Variants in GSTK1 observed in about 807,000 individuals in gnomAD.
GSTK1 encodes glutathione S-transferase kappa 1.
GSTK1 carries 25 observed loss-of-function variants against 30.9 expected under a neutral mutation model. The observed-to-expected ratio is 0.81, with a 90% CI of 0.59 to 1.13. GSTK1 has a LOEUF of 1.13. Ranked by LOEUF, GSTK1 falls within the 50% of genes most tolerant of loss-of-function variation. The probability of loss-of-function intolerance (pLI) is 0.00; values close to 1 mark genes in which losing one functional copy is unlikely to be tolerated. For synonymous variants in GSTK1, 108 were observed against 112.5 expected, an observed-to-expected ratio of 0.96 and a Z score of 0.25; for missense variants, 292 against 292.4, an observed-to-expected ratio of 1.00 and a Z score of 0.01.
intron 5 of GSTK1, among the ~76,000 whole-genome samples, chr7:143,267,334 T>C (rs930254504): frequency 2.6e-5 from 4 of 152,178 alleles, no homozygotes; most frequent in African/African-American, 7.2e-5. Context: ...AGGCTCTTCA[T>C]TTGTGAAATA....
At chr7:143,264,833 G>T (rs1464226416) in intron 3 of GSTK1, 157 bp downstream of exon 3, 1 of 1,276,370 alleles carries the variant, frequency 7.8e-7, no homozygotes, top group Non-Finnish European at 1.1e-6. Context: ...AGGTTGCCGG[G>T]CATGAAAGGG....
At position 143,265,068 on chromosome 7, in the gene GSTK1, G is replaced by A. The variant is rs754501668; in HGVS notation, c.360G>A (p.Glu120=). 1.2e-6 allele frequency: 2 copies of A among 1,614,178 alleles called. No individual in the cohort carries two copies. The highest frequency in any genetic ancestry group is 2.2e-5 in the South Asian group (2 of 91,086). Residue 120 remains glutamate, a synonymous_variant, in exon 4 of 8, where the codon GAG becomes GAA. Coordinates refer to ENST00000358406, the MANE Select transcript of GSTK1 (RefSeq NM_015917.3). ...HPEMLEKASR[E]LWMRVWSRNE... ...AGATGCTGGAGAAAGCGTCCCGGGA[G>A]CTGTGGATGCGCGTCTGGTCAAGGG...
At chr7:143,265,168 G>A (rs879097453) in intron 4 of GSTK1, 76 bp downstream of exon 4, 4 of 1,610,798 alleles carry the variant, frequency 2.5e-6, no homozygotes, top group African/African-American at 2.7e-5. Context: ...CGTTTTCAGG[G>A]TCATGATCCT....
At position 143,263,573 on chromosome 7, in the gene GSTK1, G is replaced by T. The variant is rs376374640; in HGVS notation, c.60G>T (p.Trp20Cys). The T allele has an allele frequency of 1.1e-5, 17 of 1,609,480 alleles. No individual in the cohort carries two copies. The highest frequency in any genetic ancestry group is 1.4e-5 in the Non-Finnish European group (16 of 1,179,998). The change falls in exon 1 of 8, where the codon TGG (tryptophan) becomes TGT (cysteine). Residue 20 changes from tryptophan to cysteine, a missense_variant. By Grantham distance (215) the Trp-to-Cys change is radical. Transcript: ENST00000358406. Reference protein sequence around the residue: ...LFYDVLSPYSWLGFEILCRYQ... With the variant: ...LFYDVLSPYSCLGFEILCRYQ... The stretch of plus-strand genomic sequence containing the variant: ...ATGACGTGCTGTCCCCCTACTCCTG[G>T]CTGGGCTTCGAGGTGACGCTGGGAG...
chr7:143,264,619 C>T lies in GSTK1; in HGVS notation c.226C>T (p.His76Tyr). Residue 76 changes from histidine to tyrosine, a missense_variant, in exon 3 of 8, where the codon CAT (histidine) becomes TAT (tyrosine). Coordinates refer to ENST00000358406, the MANE Select transcript of GSTK1 (RefSeq NM_015917.3). ...MANDLKLLRH[H>Y]LQIPIHFPKD... is the part of the protein sequence containing the mutation. Reference sequence around the variant, plus strand: ...AAATGACTTAAAGCTCCTGAGACACCATCTCCAGATTCCCATCCACTTCCC... The same window carrying T: ...AAATGACTTAAAGCTCCTGAGACACTATCTCCAGATTCCCATCCACTTCCC... The T allele has an allele frequency of 6.2e-7, 1 of 1,614,026 alleles. No individual in the cohort carries two copies. The highest frequency in any genetic ancestry group is 8.5e-7 in the Non-Finnish European group (1 of 1,179,922).
Position 143,265,290 on chromosome 7 carries a change from C to T in GSTK1, c.414C>T (p.Ile138=). The T allele has an allele frequency of 1.2e-6, 2 of 1,601,186 alleles. No homozygotes were observed. The highest frequency in any genetic ancestry group is 2.3e-5 in the South Asian group (2 of 88,732). The change falls in exon 5 of 8, where the codon ATC becomes ATT. Residue 138 remains isoleucine (I), a synonymous_variant. Coordinates refer to ENST00000358406, the MANE Select transcript of GSTK1 (RefSeq NM_015917.3). ...RNEDITEPQS[I]LAAAEKAGMS... ...AAGACATCACCGAGCCGCAGAGCAT[C>T]CTGGCGGTGAGTGTCCTGGCTCCAC... is the stretch of plus-strand genomic sequence containing the variant.
chr7:143,267,695 C>A lies in GSTK1; in HGVS notation c.499C>A (p.Gln167Lys). Residue 167 changes from glutamine (Q) to lysine (K), a missense_variant, in exon 6 of 8, where the codon CAG (glutamine) becomes AAG (lysine). Coordinates refer to ENST00000358406, the MANE Select transcript of GSTK1 (RefSeq NM_015917.3). ...EKIATPKVKN[Q>K]LKETTEAACR... ...GATCGCAACGCCAAAGGTGAAGAAC[C>A]AGCTCAAGGAGACCACTGAGGCAGC... The A allele has an allele frequency of 2.5e-6, 4 of 1,614,046 alleles. No homozygotes were observed. The highest frequency in any genetic ancestry group is 4.5e-5 in the East Asian group (2 of 44,888).
intron 5 of GSTK1, among the ~76,000 whole-genome samples, chr7:143,266,653 CTTTTTTTTTTTTTTTTT>C (rs35527374): frequency 3.2e-5 from 2 of 63,332 alleles, no homozygotes. Context: ...TTCTTTCTTT[CTTTTTTTTTTTTTTTTT>C]TTTTTTTTTG....
intron 5 of GSTK1, 40 bp downstream of exon 5, chr7:143,265,336 A>G (rs1006663004): frequency 6.5e-7 from 1 of 1,527,842 alleles, no homozygotes; most frequent in African/African-American, 1.4e-5. Flanking sequence ...CTCATAGAGA[A>G]TCTGAGAACA....
chr7:143,267,621 C>A lies in GSTK1; in HGVS notation c.425C>A (p.Ala142Glu). The A allele has an allele frequency of 6.2e-7, 1 of 1,610,982 alleles. No individual in the cohort carries two copies. The highest frequency in any genetic ancestry group is 1.1e-5 in the South Asian group (1 of 91,018). Reference sequence around the variant, plus strand: ...TTCCCTACTATATTCCCTTAGGCTGCAGAGAAGGCTGGTATGTCTGCAGAA... The same window carrying A: ...TTCCCTACTATATTCCCTTAGGCTGAAGAGAAGGCTGGTATGTCTGCAGAA... ...ITEPQSILAA[A>E]EKAGMSAEQA... Residue 142 changes from alanine (A) to glutamate (E), a missense_variant, in exon 6 of 8, where the codon GCA becomes GAA. Physicochemically the swap from Ala to Glu is moderately radical, Grantham distance 107. Transcript: ENST00000358406.
In GSTK1 at chr7:143,263,604, G is replaced by T. The variant is rs2116691325; in HGVS notation, c.72+19G>T. Reference sequence around the variant, plus strand: ...CTTCGAGGTGACGCTGGGAGGGGTCGCCTCGGCAGTGTCTGGGGAGTGAGG... The same window carrying T: ...CTTCGAGGTGACGCTGGGAGGGGTCTCCTCGGCAGTGTCTGGGGAGTGAGG... On this transcript the variant is annotated intron_variant, in intron 1 of 7. Coordinates refer to ENST00000358406, the MANE Select transcript of GSTK1 (RefSeq NM_015917.3). The T allele has an allele frequency of 6.2e-7, 1 of 1,601,766 alleles. No homozygotes were observed. Among genetic ancestry groups the T allele is most frequent in the South Asian group, 1.1e-5 (1 of 90,960 alleles).
chr7:143,265,342 G>A (rs1431365500), intron 5 of GSTK1, 46 bp downstream of exon 5: 2 of 1,508,986 alleles, frequency 1.3e-6, no homozygotes, highest in Non-Finnish European at 1.8e-6. Context: ...GAGAATCTGA[G>A]AACAGTTGGC....
At chr7:143,267,505 G>A in intron 5 of GSTK1, 112 bp from the exon 6 acceptor site, 1 of 775,102 alleles carries the variant, frequency 1.3e-6, no homozygotes, top group Middle Eastern at 3.0e-4. Context: ...GGGTGGGTAA[G>A]GGCATTGCCA....
chr7:143,263,845 G>T, intron 1 of GSTK1: 2 of 603,170 alleles, frequency 3.3e-6, no homozygotes, highest in Non-Finnish European at 5.9e-6. Flanking sequence ...CATTCAGGGA[G>T]AAATGCAGAA....
intron 4 of GSTK1, 75 bp from the exon 5 acceptor site, chr7:143,265,186 C>G (rs770163021): frequency 2.5e-6 from 4 of 1,607,024 alleles, no homozygotes; most frequent in Non-Finnish European, 3.4e-6. Flanking sequence ...CCTGCCCCCG[C>G]CCGGGGGATC....
Position 143,268,195 on chromosome 7 carries a change from TA to T in GSTK1, c.631+14del. 6.2e-7 allele frequency: 1 copy of T among 1,609,008 alleles called. No homozygotes were observed. The highest frequency in any genetic ancestry group is 1.1e-5 in the South Asian group (1 of 90,706). On this transcript the variant is annotated intron_variant, in intron 7 of 7. Coordinates refer to ENST00000358406, the MANE Select transcript of GSTK1 (RefSeq NM_015917.3). The surrounding 1 kb of genome is among the most constrained non-coding windows in gnomAD (Gnocchi z 4.1). ...TGGCGCACCTGCTGGGTAAGTAAGT[TA>T]AAGAATCAACCCTGAGCCAGGTGCA...
chr7:143,264,133 G>A lies in GSTK1; in HGVS notation c.120G>A (p.Arg40=), dbSNP rs1800799187. 4 of 1,614,074 alleles carry A rather than the reference G, an allele frequency of 2.5e-6. No individual in the cohort carries two copies. The highest frequency in any genetic ancestry group is 3.4e-6 in the Non-Finnish European group (4 of 1,179,986). ...QNIWNINLQL[R]PSLITGIMKD... is the part of the protein sequence containing the mutation. ...TCTGGAACATCAACCTGCAGTTGCG[G>A]CCCAGCCTCATAACAGGGATCATGA... The change falls in exon 2 of 8, where the codon CGG becomes CGA. Residue 40 remains arginine (R), a synonymous_variant. Coordinates refer to ENST00000358406, the MANE Select transcript of GSTK1 (RefSeq NM_015917.3).
Position 143,263,479 on chromosome 7 carries a change from G to C in GSTK1, c.-35G>C. 3 of 1,595,854 alleles carry C rather than the reference G, an allele frequency of 1.9e-6. No homozygotes were observed. The highest frequency in any genetic ancestry group is 4.5e-5 in the East Asian group (2 of 44,826). ...CCTCTGCCGGGTTCCGGGAAAAGGAGCTCCTGCTGCCACTGCTCTTCCGGA... is the reference window on the plus strand; with the variant it reads ...CCTCTGCCGGGTTCCGGGAAAAGGACCTCCTGCTGCCACTGCTCTTCCGGA... On this transcript the variant is annotated 5_prime_UTR_variant, in exon 1 of 8. Coordinates refer to ENST00000358406, the MANE Select transcript of GSTK1 (RefSeq NM_015917.3).
intron 5 of GSTK1, 143 bp from the exon 6 acceptor site, chr7:143,267,474 C>G (rs1267674415): frequency 1.0e-5 from 7 of 675,586 alleles, no homozygotes; most frequent in Non-Finnish European, 1.6e-5. Context: ...TTCCTCTTGG[C>G]AAGGACAGAT....
Sources: gnomAD v4.1 joint callset for allele counts (sites outside exome capture counted in the v4.1 genomes callset) on GRCh38, gnomAD v4.1.1 for gene constraint, Gnocchi (gnomAD v3.1) non-coding constraint, MANE v1.5 for transcripts, NCBI Gene and HGNC (gene_info 2026-07-23, HGNC 2026-07-21) for gene names.